Variants in SHOC1 observed in about 807,000 individuals in gnomAD.
SHOC1 encodes shortage in chiasmata 1, also known as protein shortage in chiasmata 1 ortholog.
Under a neutral mutation model 179.2 loss-of-function variants are expected in SHOC1, and 136 were observed. That is an observed-to-expected ratio of 0.76 (90% CI 0.66 to 0.87). The LOEUF (loss-of-function observed/expected upper bound fraction) is 0.87. Among genes scored for constraint, SHOC1 ranks in the 40% least tolerant of loss-of-function variants. The probability of loss-of-function intolerance (pLI) is 0.00; values close to 1 mark genes in which losing one functional copy is unlikely to be tolerated. For synonymous variants in SHOC1, 489 were observed against 586.6 expected, an observed-to-expected ratio of 0.83 and a Z score of 2.41; for missense variants, 1,538 against 1,700.8, an observed-to-expected ratio of 0.90 and a Z score of 1.68.
At chr9:111,707,728 G>C (rs1198527179) in intron 19 of SHOC1, 127 bp downstream of exon 19, 1 of 639,758 alleles carries the variant, frequency 1.6e-6, no homozygotes, top group East Asian at 3.0e-5. Context: ...CATTTTTCAG[G>C]AAGAGGGTAG....
Position 111,741,467 on chromosome 9 carries a change from A to T in SHOC1, c.1174+9T>A. On this transcript the variant is annotated intron_variant, in intron 11 of 27. Coordinates refer to ENST00000682961, the MANE Select transcript of SHOC1 (RefSeq NM_001378211.1). ...TTCTATTTATCACTTAAAGGCAATTAATCTTTACCTGTAAGCAAAAATGGG... is the reference window on the plus strand; with the variant it reads ...TTCTATTTATCACTTAAAGGCAATTTATCTTTACCTGTAAGCAAAAATGGG... 1.3e-6 allele frequency: 2 copies of T among 1,535,752 alleles called. No homozygotes were observed. The highest frequency in any genetic ancestry group is 1.8e-6 in the Non-Finnish European group (2 of 1,112,150).
At chr9:111,690,025 T>G (rs1467213736) in intron 27 of SHOC1, among the ~76,000 whole-genome samples, 2 of 152,158 alleles carry the variant, frequency 1.3e-5, no homozygotes, top group African/African-American at 4.8e-5. Context: ...TAGCATAACT[T>G]TTATGTCCAA....
At chr9:111,691,432 T>C (rs1831415031) in intron 27 of SHOC1, 119 bp downstream of exon 27, 15 of 848,216 alleles carry the variant, frequency 1.8e-5, no homozygotes, top group Non-Finnish European at 2.7e-5. Flanking sequence ...TACCCAACAG[T>C]TATTAGAGAA....
At chr9:111,782,959 G>A (rs2131638256) in intron 3 of SHOC1, among the ~76,000 whole-genome samples, 1 of 152,208 alleles carries the variant, frequency 6.6e-6, no homozygotes, top group Admixed American at 6.5e-5. Context: ...CACAGGGGAA[G>A]AATTATTTTA....
At chr9:111,713,647 G>C (rs1408142070) in intron 17 of SHOC1, among the ~76,000 whole-genome samples, 1 of 152,096 alleles carries the variant, frequency 6.6e-6, no homozygotes, top group Admixed American at 6.6e-5. Context: ...ATAAAGTTGC[G>C]GTTAAGAAAT....
At chr9:111,696,622 G>A (rs557270926) in intron 24 of SHOC1, among the ~76,000 whole-genome samples, 5 of 151,468 alleles carry the variant, frequency 3.3e-5, no homozygotes, top group African/African-American at 7.2e-5. Context: ...GTTCCTAGGC[G>A]GTACTCCTAT....
intron 5 of SHOC1, among the ~76,000 whole-genome samples, chr9:111,774,748 A>G (rs1192520764): frequency 1.3e-5 from 2 of 152,154 alleles, no homozygotes; most frequent in African/African-American, 4.8e-5. Context: ...AATTTTATAC[A>G]TAATTTATAT....
At chr9:111,699,824 ATTCTT>A (rs1174195885) in intron 24 of SHOC1, 125 bp downstream of exon 24, 32 of 528,542 alleles carry the variant, frequency 6.1e-5, no homozygotes, top group Non-Finnish European at 9.7e-5. Context: ...TTTGAAAACT[ATTCTT>A]TATTTAGCTT....
At chr9:111,781,750 A>AAATAAATAAATAAATAAATAAATT (rs765900257) in intron 3 of SHOC1, among the ~76,000 whole-genome samples, 4 of 150,892 alleles carry the variant, frequency 2.7e-5, no homozygotes, top group African/African-American at 9.8e-5. Context: ...ATAAATAAAT[A>AAATAAATAAATAAATAAATAAATT]AATTTGTATG....
intron 5 of SHOC1, among the ~76,000 whole-genome samples, chr9:111,762,189 G>A (rs1408079023): frequency 6.6e-6 from 1 of 152,142 alleles, no homozygotes; most frequent in African/African-American, 2.4e-5. Context: ...CAGCACTTTG[G>A]AAGGCTGAGG....
At chr9:111,793,218 C>T (rs1836509163) in intron 1 of SHOC1, among the ~76,000 whole-genome samples, 2 of 152,200 alleles carry the variant, frequency 1.3e-5, no homozygotes, top group Admixed American at 1.3e-4. Flanking sequence ...GATTCTAGAA[C>T]TTCCATTTCT....
chr9:111,791,146 G>A (rs1235366816), intron 2 of SHOC1, among the ~76,000 whole-genome samples: 1 of 151,986 alleles, frequency 6.6e-6, no homozygotes, highest in East Asian at 1.9e-4. Flanking sequence ...TGTGGATAAG[G>A]TGTATATAAA....
chr9:111,725,374 A>G (rs1833252318), intron 13 of SHOC1, among the ~76,000 whole-genome samples: 1 of 152,176 alleles, frequency 6.6e-6, no homozygotes, highest in African/African-American at 2.4e-5. Flanking sequence ...GGTATGATCT[A>G]TTAAAGGCTA....
intron 5 of SHOC1, among the ~76,000 whole-genome samples, chr9:111,771,384 T>A (rs1835600757): frequency 6.6e-6 from 1 of 152,212 alleles, no homozygotes; most frequent in South Asian, 2.1e-4. Context: ...GCTATTGTTT[T>A]TGATTGGGCT....
intron 26 of SHOC1, among the ~76,000 whole-genome samples, 187 bp downstream of exon 26, chr9:111,693,612 A>C (rs1050452804): frequency 6.6e-6 from 1 of 151,976 alleles, no homozygotes. Context: ...AAATAAAATA[A>C]AATGTATAAT....
At chr9:111,786,308 G>A (rs1221737874) in intron 2 of SHOC1, among the ~76,000 whole-genome samples, 11 of 152,048 alleles carry the variant, frequency 7.2e-5, no homozygotes, top group South Asian at 2.1e-4. Context: ...GGTTGTGGGC[G>A]CCTGTGGTCC....
rs549809109 is a variant in SHOC1, at chr9:111,758,905, A to T, written c.443-57T>A. 2.9e-6 allele frequency: 3 copies of T among 1,046,164 alleles called. No homozygotes were observed. The East Asian group carries it at 7.8e-5, about 27-fold the overall frequency. 64.8% of individuals were successfully genotyped at this position (1,046,164 alleles called of 1,614,324 possible). ...GAAAAAAACAAAAAGTTATCCAAAGAGATCTAGATAGTTAATGTAATCAGT... is the reference window on the plus strand; with the variant it reads ...GAAAAAAACAAAAAGTTATCCAAAGTGATCTAGATAGTTAATGTAATCAGT... On this transcript the variant is annotated intron_variant, in intron 5 of 27. Coordinates refer to ENST00000682961, the MANE Select transcript of SHOC1 (RefSeq NM_001378211.1).
chr9:111,737,419 C>A (rs1833855598), intron 12 of SHOC1, among the ~76,000 whole-genome samples: 1 of 152,212 alleles, frequency 6.6e-6, no homozygotes, highest in South Asian at 2.1e-4. Flanking sequence ...GTAATCCCAG[C>A]ATTTTGGGAG....
At chr9:111,730,917 A>C (rs554445384) in intron 12 of SHOC1, among the ~76,000 whole-genome samples, 1 of 152,186 alleles carries the variant, frequency 6.6e-6, no homozygotes, top group East Asian at 1.9e-4. Context: ...CATCTTCATC[A>C]ATAATATTGG....
Sources: allele counts gnomAD v4.1 joint callset (sites outside exome capture counted in the v4.1 genomes callset), GRCh38; gene constraint gnomAD v4.1.1; transcripts MANE v1.5; gene names NCBI Gene and HGNC (gene_info 2026-07-23, HGNC 2026-07-21).